Variants in CFAP36 observed in about 807,000 individuals in gnomAD.
CFAP36 encodes cilia and flagella associated protein 36, also known as cilia- and flagella-associated protein 36.
Under a neutral mutation model 50.5 loss-of-function variants are expected in CFAP36, and 37 were observed. The observed-to-expected ratio is 0.73, with a 90% CI of 0.56 to 0.96. The LOEUF (loss-of-function observed/expected upper bound fraction) is 0.96. CFAP36 is among the 50% of genes least tolerant of loss of function. The pLI is 0.00. For synonymous variants in CFAP36, 138 were observed against 128.2 expected (o/e 1.08, Z -0.52); for missense variants, 407 against 396.2 (o/e 1.03, Z -0.23).
intron 3 of CFAP36, among the ~76,000 whole-genome samples, chr2:55,527,088 A>G (rs1194413460): frequency 6.6e-6 from 1 of 152,182 alleles, no homozygotes; most frequent in African/African-American, 2.4e-5. Context: ...TTAATGTGAA[A>G]AAATCTGGCA....
chr2:55,542,203 C>A (rs1684655331), intron 7 of CFAP36, among the ~76,000 whole-genome samples: 1 of 152,204 alleles, frequency 6.6e-6, no homozygotes, highest in Non-Finnish European at 1.5e-5. Context: ...GCTTTGTCTG[C>A]TTTCTTATCT....
intron 8 of CFAP36, 35 bp downstream of exon 8, chr2:55,544,109 A>T (rs759177608): frequency 1.6e-5 from 25 of 1,612,364 alleles, no homozygotes; most frequent in Non-Finnish European, 2.1e-5. Flanking sequence ...ACTATAAGCA[A>T]AATGACAAGG....
In CFAP36 at chr2:55,544,384, AAT is replaced by A; in HGVS notation, c.927+18_927+19del. On this transcript the variant is annotated intron_variant, in intron 9 of 9. Transcript: ENST00000349456. ...GGGAGGTAGAGGTATGGCTAGCCTT[AAT>A]ATGTCAAGATTTACAAATCTGGTGG... 6.3e-7 allele frequency: 1 copy of A among 1,589,952 alleles called. No homozygotes were observed. The highest frequency in any genetic ancestry group is 8.5e-7 in the Non-Finnish European group (1 of 1,172,552).
At chr2:55,520,415 A>G in intron 1 of CFAP36, 2 of 1,545,970 alleles carry the variant, frequency 1.3e-6, no homozygotes, top group Non-Finnish European at 1.7e-6. Context: ...TTAACTGCAA[A>G]GGAGGGCATG....
Position 55,519,979 on chromosome 2 carries a change from G to C in CFAP36, c.115+63G>C, listed in dbSNP as rs1007255547. The stretch of plus-strand genomic sequence containing the variant: ...TCTCTCACACCAGCGGCGGGCAGGG[G>C]GTTGGTAACCACAAGCCATCTCTCG... On this transcript the variant is annotated intron_variant, in intron 1 of 9. Coordinates refer to ENST00000349456, the MANE Select transcript of CFAP36 (RefSeq NM_080667.7). The C allele has an allele frequency of 2.0e-6, 3 of 1,495,038 alleles. No homozygotes were observed. In the Admixed American group the frequency reaches 5.3e-5, roughly 26 times the overall value. 92.6% of individuals were successfully genotyped at this position (1,495,038 alleles called of 1,614,324 possible). A position where few individuals can be genotyped will look rare whatever the true frequency, so the allele number is the denominator to read the frequency against.
At chr2:55,543,423 T>A (rs928268098) in intron 7 of CFAP36, among the ~76,000 whole-genome samples, 2 of 152,186 alleles carry the variant, frequency 1.3e-5, no homozygotes, top group African/African-American at 4.8e-5. Flanking sequence ...GGCAGGTTTA[T>A]AGTTATCTTC....
In CFAP36 at chr2:55,545,001, A is replaced by C. The variant is rs1339675334; in HGVS notation, c.1022A>C (p.Asn341Thr). Reference protein sequence around the residue: ...LAEKLKEEVINK With the variant: ...LAEKLKEEVITK ...GAGAAACTCAAAGAAGAAGTTATTA[A>C]TAAGTAATAATTAAGAACAATTTAA... The change falls in exon 10 of 10, where the codon AAT becomes ACT. Residue 341 changes from asparagine to threonine, a missense_variant. Physicochemically the swap from Asn to Thr is moderately conservative, Grantham distance 65. Coordinates refer to ENST00000349456, the MANE Select transcript of CFAP36 (RefSeq NM_080667.7). The C allele has an allele frequency of 6.5e-7, 1 of 1,538,242 alleles. No homozygotes were observed. The highest frequency in any genetic ancestry group is 2.3e-5 in the East Asian group (1 of 43,982).
chr2:55,520,386 T>G (rs761651767), intron 1 of CFAP36: 10 of 1,529,214 alleles, frequency 6.5e-6, no homozygotes, highest in Non-Finnish European at 8.8e-6. Context: ...TGAGAAATGA[T>G]TTCACTCCAA....
chr2:55,529,039 T>A, intron 4 of CFAP36, 47 bp downstream of exon 4: 1 of 1,342,300 alleles, frequency 7.4e-7, no homozygotes, highest in Non-Finnish European at 1.0e-6. Context: ...CATTTTTTTT[T>A]ACAGTTTTGA....
intron 7 of CFAP36, chr2:55,539,004 TAC>T (rs1016787555): frequency 4.1e-6 from 5 of 1,207,996 alleles, no homozygotes; most frequent in Non-Finnish European, 5.4e-6. Flanking sequence ...GAGCAGAAGG[TAC>T]AGAGATTTCC....
intron 3 of CFAP36, among the ~76,000 whole-genome samples, chr2:55,525,919 GC>G (rs1684197174): frequency 6.6e-6 from 1 of 152,152 alleles, no homozygotes; most frequent in African/African-American, 2.4e-5. Flanking sequence ...GAGCCACCAC[GC>G]CCTGCTGCCC....
At chr2:55,528,685 C>T (rs779195750) in intron 3 of CFAP36, among the ~76,000 whole-genome samples, 193 bp from the exon 4 acceptor site, 6 of 152,084 alleles carry the variant, frequency 3.9e-5, no homozygotes, top group South Asian at 4.1e-4. Flanking sequence ...TGTGAGCCAC[C>T]GTGCCCGGCT....
chr2:55,533,710 T>A lies in CFAP36; in HGVS notation c.398-163T>A, dbSNP rs59921663. On this transcript the variant is annotated intron_variant, in intron 4 of 9. Coordinates refer to ENST00000349456, the MANE Select transcript of CFAP36 (RefSeq NM_080667.7). ...ACTCTGTCTCAAAAAAAAAAAAAAA[T>A]ATATATATATATAAAATAAAAGATG... is the stretch of plus-strand genomic sequence containing the variant. 6.6e-4 allele frequency among the ~76,000 whole-genome samples: 90 copies of A among 135,838 alleles called. 1 individual carries two copies. The highest frequency in any genetic ancestry group is 1.9e-3 in the South Asian group (8 of 4,276). 89.1% of individuals were successfully genotyped at this position (135,838 alleles called of 152,430 possible). A position where few individuals can be genotyped will look rare whatever the true frequency, so the allele number is the denominator to read the frequency against.
chr2:55,532,389 T>C (rs1684377770), intron 4 of CFAP36, among the ~76,000 whole-genome samples: 2 of 152,176 alleles, frequency 1.3e-5, no homozygotes, highest in African/African-American at 2.4e-5. Context: ...TATTAAAGAA[T>C]TTAGAGAAAT....
intron 3 of CFAP36, among the ~76,000 whole-genome samples, chr2:55,525,839 C>G (rs1478127816): frequency 6.6e-6 from 1 of 152,148 alleles, no homozygotes; most frequent in African/African-American, 2.4e-5. Flanking sequence ...ACTATGTTGG[C>G]CAAGCTGGAA....
intron 1 of CFAP36, chr2:55,520,501 A>G (rs1411899546): frequency 5.2e-6 from 8 of 1,525,482 alleles, no homozygotes; most frequent in Non-Finnish European, 5.3e-6. Context: ...ACTCTTCGCT[A>G]TACCAAAAAT....
intron 7 of CFAP36, chr2:55,538,810 C>G (rs1684561081): frequency 6.5e-7 from 1 of 1,542,456 alleles, no homozygotes; most frequent in African/African-American, 1.4e-5. Flanking sequence ...CCGAACTCTT[C>G]AATGGTGAAA....
chr2:55,533,865 T>C lies in CFAP36; in HGVS notation c.398-8T>C. On this transcript the variant is annotated splice_polypyrimidine_tract_variant and splice_region_variant and intron_variant, in intron 4 of 9. Coordinates refer to ENST00000349456, the MANE Select transcript of CFAP36 (RefSeq NM_080667.7). ...ATACTATTTCATGTGGTCTTTGGTT[T>C]TGAACAGGTGTATTACCTGACTGCT... 6.3e-7 allele frequency: 1 copy of C among 1,580,158 alleles called. No individual in the cohort carries two copies. The highest frequency in any genetic ancestry group is 8.6e-7 in the Non-Finnish European group (1 of 1,158,824).
chr2:55,537,915 A>G (rs927771839), intron 7 of CFAP36, among the ~76,000 whole-genome samples: 2 of 152,236 alleles, frequency 1.3e-5, no homozygotes, highest in Admixed American at 6.5e-5. Flanking sequence ...CCATGCTTAC[A>G]GTTGTATGGT....
Sources: gnomAD v4.1 joint callset for allele counts (sites outside exome capture counted in the v4.1 genomes callset) on GRCh38, gnomAD v4.1.1 for gene constraint, MANE v1.5 for transcripts, NCBI Gene and HGNC (gene_info 2026-07-23, HGNC 2026-07-21) for gene names.